The following MARCHF1 variants were observed in gnomAD, a reference collection of about 807,000 sequenced individuals.
MARCHF1 encodes membrane associated ring-CH-type finger 1.
In MARCHF1, 40 loss-of-function variants were observed where a neutral mutation model predicts 54.2. The ratio of observed to expected loss-of-function variants is 0.74; its 90% CI spans 0.57 to 0.96. The LOEUF is 0.96. Among genes scored for constraint, MARCHF1 ranks in the 40% least tolerant of loss-of-function variants. MARCHF1 has a pLI of 0.00. For synonymous variants in MARCHF1, 236 were observed against 236.3 expected (o/e 1.00, Z 0.01); for missense variants, 586 against 656.5 (o/e 0.89, Z 1.17).
intron 1 of MARCHF1, among the ~76,000 whole-genome samples, chr4:164,156,557 G>T (rs997541093): frequency 2.6e-5 from 4 of 152,180 alleles, no homozygotes; most frequent in Middle Eastern, 3.4e-3. Context: ...CTGTGTAGCT[G>T]GGACTACAGG....
intron 1 of MARCHF1, among the ~76,000 whole-genome samples, chr4:164,286,834 T>C (rs969929100): frequency 2.0e-5 from 3 of 150,128 alleles, no homozygotes; most frequent in Non-Finnish European, 4.4e-5. Flanking sequence ...AAACTAAGGC[T>C]ACTGTGGGAA....
chr4:163,859,118 G>T (rs1475971841), intron 3 of MARCHF1, among the ~76,000 whole-genome samples: 2 of 152,146 alleles, frequency 1.3e-5, no homozygotes, highest in African/African-American at 2.4e-5. Flanking sequence ...ATCATGACTT[G>T]TAATGAAGGC....
chr4:164,075,678 T>C (rs975573333), intron 2 of MARCHF1, among the ~76,000 whole-genome samples: 6 of 152,266 alleles, frequency 3.9e-5, no homozygotes, highest in African/African-American at 1.4e-4. Flanking sequence ...GTGATGTTAA[T>C]TGAATCTCTG....
chr4:163,688,593 A>G (rs924006640), intron 5 of MARCHF1, among the ~76,000 whole-genome samples: 3 of 152,210 alleles, frequency 2.0e-5, no homozygotes, highest in African/African-American at 7.2e-5. Flanking sequence ...TATGAATTTA[A>G]AGAATGTTTG....
chr4:163,742,024 A>C (rs903474812), intron 4 of MARCHF1, among the ~76,000 whole-genome samples: 2 of 152,190 alleles, frequency 1.3e-5, no homozygotes, highest in Non-Finnish European at 2.9e-5. Context: ...TATGCCTTAC[A>C]ATGTGTAGAA....
At chr4:164,358,669 G>A (rs78975961) in intron 1 of MARCHF1, among the ~76,000 whole-genome samples, 2,271 of 152,210 alleles carry the variant, frequency 0.015, 77 homozygotes, top group East Asian at 0.13. Flanking sequence ...TATCTTTAAA[G>A]AAGGAAGTCA....
chr4:164,178,996 T>C (rs1730761614), intron 1 of MARCHF1, among the ~76,000 whole-genome samples: 1 of 152,066 alleles, frequency 6.6e-6, no homozygotes, highest in South Asian at 2.1e-4. Context: ...AGTTCAGGGC[T>C]GCAGTTTATA....
At chr4:163,822,831 G>A (rs1748733041) in intron 4 of MARCHF1, among the ~76,000 whole-genome samples, 1 of 151,770 alleles carries the variant, frequency 6.6e-6, no homozygotes, top group African/African-American at 2.4e-5. Context: ...TTGTTTCTAA[G>A]TGTATATTTG....
At chr4:163,871,265 T>C (rs1412594079) in intron 3 of MARCHF1, among the ~76,000 whole-genome samples, 1 of 152,202 alleles carries the variant, frequency 6.6e-6, no homozygotes, top group African/African-American at 2.4e-5. Flanking sequence ...TGACACTCAT[T>C]CACAATCATA....
intron 3 of MARCHF1, among the ~76,000 whole-genome samples, chr4:163,959,194 G>A (rs568630072): frequency 1.3e-5 from 2 of 151,952 alleles, no homozygotes; most frequent in East Asian, 1.9e-4. Context: ...AATTATGGGT[G>A]TTTTAAGCGA....
At chr4:163,836,201 A>G (rs1439202788) in intron 4 of MARCHF1, among the ~76,000 whole-genome samples, 1 of 151,000 alleles carries the variant, frequency 6.6e-6, no homozygotes, top group Non-Finnish European at 1.5e-5. Context: ...ATCCTTACCT[A>G]CATGGTAGTT....
chr4:164,095,531 A>G (rs1755392405), intron 2 of MARCHF1, among the ~76,000 whole-genome samples: 1 of 152,086 alleles, frequency 6.6e-6, no homozygotes, highest in Non-Finnish European at 1.5e-5. Context: ...TATTGTGTCA[A>G]GAGTATGAAA....
intron 4 of MARCHF1, among the ~76,000 whole-genome samples, chr4:163,764,960 G>A (rs896656808): frequency 2.9e-4 from 44 of 152,164 alleles, no homozygotes; most frequent in Non-Finnish European, 3.7e-4. Context: ...AAATATTCAG[G>A]CTCATTACTT....
At chr4:163,804,091 C>T (rs796215590) in intron 4 of MARCHF1, among the ~76,000 whole-genome samples, 15 of 152,298 alleles carry the variant, frequency 9.8e-5, no homozygotes, top group African/African-American at 3.6e-4. Context: ...AAATAGATCA[C>T]AGTGAAATGA....
At chr4:164,100,931 G>C (rs538971238) in intron 2 of MARCHF1, among the ~76,000 whole-genome samples, 2 of 152,216 alleles carry the variant, frequency 1.3e-5, no homozygotes, top group Admixed American at 1.3e-4. Flanking sequence ...GAAGTAGGGC[G>C]AGGCATTGCC....
intron 1 of MARCHF1, among the ~76,000 whole-genome samples, chr4:164,251,270 T>TGCC (rs1733115292): frequency 1.3e-5 from 2 of 152,194 alleles, no homozygotes; most frequent in East Asian, 1.9e-4. Flanking sequence ...TAATACCATT[T>TGCC]TATACACAGA....
At chr4:164,083,653 T>C (rs911646221) in intron 2 of MARCHF1, among the ~76,000 whole-genome samples, 1 of 152,146 alleles carries the variant, frequency 6.6e-6, no homozygotes, top group East Asian at 1.9e-4. Flanking sequence ...CCTCCAAATC[T>C]ATGCTGCATC....
At chr4:163,531,902 T>A (rs1336534945) in intron 9 of MARCHF1, among the ~76,000 whole-genome samples, 1 of 151,804 alleles carries the variant, frequency 6.6e-6, no homozygotes, top group Non-Finnish European at 1.5e-5. Context: ...GTACAAGATT[T>A]ATGTGAGAAA....
At chr4:164,321,333 G>A (rs890787581) in intron 1 of MARCHF1, among the ~76,000 whole-genome samples, 2 of 152,242 alleles carry the variant, frequency 1.3e-5, no homozygotes, top group East Asian at 1.9e-4. Flanking sequence ...AGTAAATGAC[G>A]CAGTGGATGA....
Sources: allele counts gnomAD v4.1 joint callset (sites outside exome capture counted in the v4.1 genomes callset), GRCh38; gene constraint gnomAD v4.1.1; transcripts MANE v1.5; gene names NCBI Gene and HGNC (gene_info 2026-07-23, HGNC 2026-07-21).